Variants in ACP3 observed in about 807,000 individuals in gnomAD.
ACP3 encodes acid phosphatase 3, also known as prostatic acid phosphatase.
In ACP3, 38 loss-of-function variants were observed where a neutral mutation model predicts 45.6. That is an observed-to-expected ratio of 0.83 (90% CI 0.64 to 1.09). The LOEUF (loss-of-function observed/expected upper bound fraction) is 1.09, where lower values mean the gene tolerates loss of function less well. ACP3 is among the 50% of genes least tolerant of loss of function. The pLI is 0.00. For missense variants in ACP3, 466 were observed against 463.2 expected (o/e 1.01, Z -0.05); for synonymous variants, 162 against 164.7 (o/e 0.98, Z 0.13).
At chr3:132,332,603 C>A in intron 4 of ACP3, 1 of 420,506 alleles carries the variant, frequency 2.4e-6, no homozygotes, top group Non-Finnish European at 4.4e-6. Flanking sequence ...GCCCCCTCAT[C>A]GTCATACACA....
intron 4 of ACP3, 92 bp downstream of exon 4, chr3:132,332,436 CT>C (rs1287139255): frequency 1.5e-6 from 2 of 1,363,834 alleles, no homozygotes; most frequent in Non-Finnish European, 2.0e-6. Flanking sequence ...AGTCTGGACA[CT>C]CCTTGAGCTG....
chr3:132,361,669 A>G (rs957027797), downstream of ACP3, among the ~76,000 whole-genome samples: 5 of 152,210 alleles, frequency 3.3e-5, no homozygotes, highest in Non-Finnish European at 4.4e-5. Flanking sequence ...CCCTGCAGGA[A>G]GGCCTGTTTG....
At chr3:132,356,606 T>C in intron 9 of ACP3, 80 bp from the exon 10 acceptor site, 2 of 1,604,054 alleles carry the variant, frequency 1.2e-6, no homozygotes, top group Non-Finnish European at 1.7e-6. Flanking sequence ...TGGCATGTAA[T>C]AGTCCAAGTG....
At chr3:132,338,405 A>T (rs1937519775) in intron 5 of ACP3, among the ~76,000 whole-genome samples, 1 of 151,520 alleles carries the variant, frequency 6.6e-6, no homozygotes, top group African/African-American at 2.4e-5. Context: ...TTATGCCATA[A>T]TTTATTTAAC....
At position 132,356,632 on chromosome 3, in the gene ACP3, G is replaced by C. The variant is rs569224887; in HGVS notation, c.969-54G>C. On this transcript the variant is annotated intron_variant, in intron 9 of 9. Transcript: ENST00000336375. ...AGTCCAAGTGGAAAGAAATTCAGTGGCAGTTCAACAACACAGAACTAACAG... is the reference window on the plus strand; with the variant it reads ...AGTCCAAGTGGAAAGAAATTCAGTGCCAGTTCAACAACACAGAACTAACAG... 4 of 1,606,942 alleles carry C rather than the reference G, an allele frequency of 2.5e-6. No individual in the cohort carries two copies. In the East Asian group the frequency reaches 8.9e-5, roughly 36 times the overall value.
At chr3:132,355,468 CATCTTATTTTATTTT>C (rs1286944157) in intron 9 of ACP3, among the ~76,000 whole-genome samples, 6 of 70,148 alleles carry the variant, frequency 8.6e-5, no homozygotes, top group South Asian at 5.2e-4. Flanking sequence ...GTTTTATAGA[CATCTTATTTTATTTT>C]ATCTTATTTT....
Position 132,358,325 on chromosome 3 carries a change from T to C in ACP3, c.*1447T>C. On this transcript the variant is annotated 3_prime_UTR_variant, in exon 10 of 10. Transcript: ENST00000336375. ...CCAAGTTCAAAACTTATTGGAATGT[T>C]GAGAGTGTGGTTACGAAATACGTTA... 1 of 1,122,162 alleles carries C rather than the reference T, an allele frequency of 8.9e-7. No homozygotes were observed. Among genetic ancestry groups the C allele is most frequent in the Non-Finnish European group, 1.1e-6 (1 of 899,302 alleles). 69.5% of individuals were successfully genotyped at this position (1,122,162 alleles called of 1,614,324 possible).
chr3:132,349,701 C>G (rs1396506775), intron 7 of ACP3, among the ~76,000 whole-genome samples: 1 of 151,620 alleles, frequency 6.6e-6, no homozygotes, highest in Non-Finnish European at 1.5e-5. Context: ...GATTCCTTAC[C>G]TAAAAATGAG....
Position 132,326,614 on chromosome 3 carries a change from C to T in ACP3, c.121-1653C>T, listed in dbSNP as rs182311030. Among the ~76,000 whole-genome samples, 389 of 152,282 alleles carry T rather than the reference C, an allele frequency of 2.6e-3. 21 individuals carry two copies. Among genetic ancestry groups the T allele is most frequent in the Admixed American group, 0.025 (380 of 15,298 alleles). ...TTTAATTTGTCACTAGTTTAAAGGG[C>T]CAAAAGATCTGTTTTCTTCAGATAT... is the stretch of plus-strand genomic sequence containing the variant. On this transcript the variant is annotated intron_variant, in intron 1 of 9. Coordinates refer to ENST00000336375, the MANE Select transcript of ACP3 (RefSeq NM_001099.5).
At chr3:132,367,038 T>C (rs1241431321) in intron 10 of ACP3, among the ~76,000 whole-genome samples, 1 of 152,298 alleles carries the variant, frequency 6.6e-6, no homozygotes, top group East Asian at 1.9e-4. Flanking sequence ...CATTTAGAGA[T>C]GGTACAAACT....
chr3:132,352,858 C>A, intron 9 of ACP3, 35 bp downstream of exon 9: 3 of 1,425,326 alleles, frequency 2.1e-6, no homozygotes, highest in Non-Finnish European at 3.0e-6. Context: ...ATCAGTATCA[C>A]TGGACCTTGG....
chr3:132,362,233 C>T (rs994621911), downstream of ACP3, among the ~76,000 whole-genome samples: 1 of 152,102 alleles, frequency 6.6e-6, no homozygotes, highest in South Asian at 2.1e-4. Flanking sequence ...AACTGAACCT[C>T]AGAGGATAAC....
rs1275787063 is a variant in ACP3, at chr3:132,357,590, G to A, written c.*712G>A. On this transcript the variant is annotated 3_prime_UTR_variant, in exon 10 of 10. Transcript: ENST00000336375. ...AACTTTACAGAAAGATTTGATGTAT[G>A]TAATACATATAGCAGCTCTTGAAGT... The A allele has an allele frequency of 1.0e-6, 1 of 983,530 alleles. No homozygotes were observed. Among genetic ancestry groups the A allele is most frequent in the African/African-American group, 1.7e-5 (1 of 57,208 alleles). The allele number at this position is 983,530 out of a possible 1,614,324, so 60.9% of individuals were successfully genotyped here. A position where few individuals can be genotyped will look rare whatever the true frequency, so the allele number is the denominator to read the frequency against.
At chr3:132,323,218 T>C (rs1311100481) in intron 1 of ACP3, among the ~76,000 whole-genome samples, 1 of 150,196 alleles carries the variant, frequency 6.7e-6, no homozygotes, top group African/African-American at 2.4e-5. Flanking sequence ...ATAAGGATGA[T>C]GATCAAAAAC....
Position 132,357,851 on chromosome 3 carries a change from T to A in ACP3, c.*973T>A. 2.0e-6 allele frequency: 1 copy of A among 497,154 alleles called. No homozygotes were observed. The highest frequency in any genetic ancestry group is 2.6e-6 in the Non-Finnish European group (1 of 384,278). The allele number at this position is 497,154 out of a possible 1,614,324, so 30.8% of individuals were successfully genotyped here. On this transcript the variant is annotated 3_prime_UTR_variant, in exon 10 of 10. Transcript: ENST00000336375. ...GAGGTCAAGATCAGCCTGGGCAACATGGTGAAACCTGGTCTCTACATAAAA... is the reference window on the plus strand; with the variant it reads ...GAGGTCAAGATCAGCCTGGGCAACAAGGTGAAACCTGGTCTCTACATAAAA...
At chr3:132,329,644 A>T (rs143373600) in intron 2 of ACP3, among the ~76,000 whole-genome samples, 208 of 152,312 alleles carry the variant, frequency 1.4e-3, no homozygotes, top group African/African-American at 4.8e-3. Context: ...AGACCAAAAG[A>T]TTCTTCTAGG....
chr3:132,347,844 T>TATACACACACACACACACAC (rs1553733145), intron 7 of ACP3, among the ~76,000 whole-genome samples: 2 of 145,012 alleles, frequency 1.4e-5, no homozygotes, highest in East Asian at 2.0e-4. Flanking sequence ...CACACACACA[T>TATACACACACACACACACAC]ACACACACAC....
At chr3:132,352,600 G>A (rs1432291530) in intron 8 of ACP3, 120 bp from the exon 9 acceptor site, 5 of 699,730 alleles carry the variant, frequency 7.1e-6, no homozygotes, top group Non-Finnish European at 1.0e-5. Context: ...TACTTATTAA[G>A]TCATTGTGGG....
At chr3:132,332,111 T>A (rs1937409122) in intron 3 of ACP3, 81 bp from the exon 4 acceptor site, 28 of 1,506,862 alleles carry the variant, frequency 1.9e-5, no homozygotes, top group Non-Finnish European at 2.6e-5. Context: ...TCCTTTCCTT[T>A]CTCTAATACC....
Sources: allele counts gnomAD v4.1 joint callset (sites outside exome capture counted in the v4.1 genomes callset), GRCh38; gene constraint gnomAD v4.1.1; transcripts MANE v1.5; gene names NCBI Gene and HGNC (gene_info 2026-07-23, HGNC 2026-07-21).